ISM2: variants seen among roughly 807,000 people sequenced by gnomAD.
ISM2 encodes isthmin 2.
A neutral mutation model predicts 58.0 loss-of-function variants in ISM2; 50 were observed. That is an observed-to-expected ratio of 0.86 (90% CI 0.69 to 1.09). ISM2 has a LOEUF of 1.09. Ranked by LOEUF, ISM2 falls within the 50% of genes least tolerant of loss-of-function variation. The pLI, the probability that ISM2 is intolerant of heterozygous loss-of-function variation, is 0.00. For synonymous variants in ISM2, 303 were observed against 312.4 expected, an observed-to-expected ratio of 0.97 and a Z score of 0.32; for missense variants, 723 against 745.0, an observed-to-expected ratio of 0.97 and a Z score of 0.34.
intron 3 of ISM2, chr14:77,482,944 C>G: frequency 2.9e-6 from 1 of 340,460 alleles, no homozygotes; most frequent in Non-Finnish European, 5.3e-6. Flanking sequence ...CCAGGTATGG[C>G]GGTTCTAACA....
At position 77,481,807 on chromosome 14, in the gene ISM2, G is replaced by GA. The variant is rs3075833; in HGVS notation, c.973+514dup. Reference sequence around the variant, plus strand: ...GGGTCAAATGTTGTTCAGAAAAAAAGAAAAAAAAAAGGCTGGGCACAGTGG... The same window carrying GA: ...GGGTCAAATGTTGTTCAGAAAAAAAGAAAAAAAAAAAGGCTGGGCACAGTGG... On this transcript the variant is annotated intron_variant, in intron 4 of 6. Transcript: ENST00000342219. Among the ~76,000 whole-genome samples, 58 of 148,318 alleles carry GA rather than the reference G, an allele frequency of 3.9e-4. 1 individual carries two copies. The highest frequency in any genetic ancestry group is 3.2e-3 in the East Asian group (16 of 5,076).
chr14:77,487,718 C>T (rs911465119), intron 1 of ISM2, among the ~76,000 whole-genome samples: 3 of 152,134 alleles, frequency 2.0e-5, no homozygotes, highest in African/African-American at 7.2e-5. Flanking sequence ...GACAAGGGTT[C>T]CAGTGTAGGT....
At chr14:77,482,734 A>G in intron 3 of ISM2, 67 bp from the exon 4 acceptor site, 1 of 997,228 alleles carries the variant, frequency 1.0e-6, no homozygotes, top group Non-Finnish European at 1.5e-6. Context: ...GAGACGAGGG[A>G]TGATGGGGTC....
chr14:77,476,280 A>T (rs754233072), intron 6 of ISM2, among the ~76,000 whole-genome samples, 168 bp from the exon 7 acceptor site: 1 of 152,228 alleles, frequency 6.6e-6, no homozygotes, highest in East Asian at 1.9e-4. Context: ...ACCCCACACC[A>T]TCCAGACAAC....
intron 1 of ISM2, among the ~76,000 whole-genome samples, chr14:77,489,008 A>G (rs2079184766): frequency 6.6e-6 from 1 of 152,178 alleles, no homozygotes; most frequent in Non-Finnish European, 1.5e-5. Flanking sequence ...AAATAGAGAT[A>G]CATCTGAGGT....
At chr14:77,484,230 G>A (rs929441698) in intron 3 of ISM2, 93 bp downstream of exon 3, 78 of 1,491,790 alleles carry the variant, frequency 5.2e-5, no homozygotes, top group South Asian at 3.4e-4. Flanking sequence ...CACCCTCCAC[G>A]GAATCCAGGA....
chr14:77,483,196 T>A (rs1295825953), intron 3 of ISM2, among the ~76,000 whole-genome samples: 1 of 152,086 alleles, frequency 6.6e-6, no homozygotes, highest in East Asian at 1.9e-4. Context: ...GGCTATTCAA[T>A]AAAGTAACAT....
intron 3 of ISM2, among the ~76,000 whole-genome samples, chr14:77,483,384 C>A (rs2079144939): frequency 6.6e-6 from 1 of 151,866 alleles, no homozygotes; most frequent in Non-Finnish European, 1.5e-5. Flanking sequence ...ATGGTGAAAC[C>A]CCGTCTCTAC....
chr14:77,488,260 C>T (rs984571890), intron 1 of ISM2, among the ~76,000 whole-genome samples: 3 of 152,104 alleles, frequency 2.0e-5, no homozygotes, highest in Admixed American at 1.3e-4. Flanking sequence ...GAGGGGCGAG[C>T]GTGATCACCT....
At chr14:77,489,509 T>TTTCATTC (rs2079188068) in intron 1 of ISM2, among the ~76,000 whole-genome samples, 1 of 152,156 alleles carries the variant, frequency 6.6e-6, no homozygotes, top group Admixed American at 6.5e-5. Flanking sequence ...TAGGGCTGGA[T>TTTCATTC]TTCATTCTCC....
chr14:77,490,854 A>C (rs890876960), intron 1 of ISM2, among the ~76,000 whole-genome samples: 2 of 152,002 alleles, frequency 1.3e-5, no homozygotes, highest in African/African-American at 4.8e-5. Flanking sequence ...GGGCTTTTCC[A>C]ACCCTTTAGA....
At chr14:77,486,113 CT>C (rs1275725879) in intron 1 of ISM2, among the ~76,000 whole-genome samples, 1 of 152,218 alleles carries the variant, frequency 6.6e-6, no homozygotes, top group Non-Finnish European at 1.5e-5. Context: ...GGCAAGTAAC[CT>C]GCCTGAGGTT....
chr14:77,492,311 A>T (rs1178318702), intron 1 of ISM2, among the ~76,000 whole-genome samples: 3 of 152,038 alleles, frequency 2.0e-5, no homozygotes, highest in Non-Finnish European at 4.4e-5. Flanking sequence ...AGCAAAACTG[A>T]GTGGGGATCC....
intron 1 of ISM2, 113 bp downstream of exon 1, chr14:77,498,540 G>C (rs921166058): frequency 2.9e-6 from 4 of 1,365,670 alleles, no homozygotes; most frequent in Non-Finnish European, 3.9e-6. Flanking sequence ...TCTCTCCATC[G>C]GGGGGTCGCT....
At chr14:77,478,438 C>G in intron 5 of ISM2, 113 bp from the exon 6 acceptor site, 1 of 1,435,312 alleles carries the variant, frequency 7.0e-7, no homozygotes, top group Non-Finnish European at 9.6e-7. Context: ...CCAAAATAGG[C>G]CTGGGACAAG....
rs373952211 is a variant in ISM2 at position 77,484,930 on chromosome 14, G to C, written c.142-11C>G. ...TGGGGAGGCTGAGACCTGAGGGAGA[G>C]AGAAGGAAGGTAAGGTAACAGGTCA... On this transcript the variant is annotated splice_polypyrimidine_tract_variant and intron_variant, in intron 1 of 6. Coordinates refer to ENST00000342219, the MANE Select transcript of ISM2 (RefSeq NM_199296.3). 30 of 1,535,348 alleles carry C rather than the reference G, an allele frequency of 2.0e-5. No individual in the cohort carries two copies. The highest frequency in any genetic ancestry group is 2.4e-5 in the Non-Finnish European group (28 of 1,143,634).
rs201403223 is a variant in ISM2 at position 77,476,082 on chromosome 14, C to T, written c.1229G>A (p.Cys410Tyr). Residue 410 changes from cysteine to tyrosine, a missense_variant, in exon 7 of 7, where the codon TGC becomes TAC. Coordinates refer to ENST00000342219, the MANE Select transcript of ISM2 (RefSeq NM_199296.3). ...DVDSCEKWLN[C>Y]KSDFLIKYLS... is the part of the protein sequence containing the mutation. ...ATACTTGATTAGGAAGTCGCTCTTGCAGTTCAGCCACTTCTCACAGCTGTC... is the reference window on the plus strand; with the variant it reads ...ATACTTGATTAGGAAGTCGCTCTTGTAGTTCAGCCACTTCTCACAGCTGTC... The T allele has an allele frequency of 6.5e-4, 992 of 1,525,810 alleles. No homozygotes were observed. Among genetic ancestry groups the T allele is most frequent in the Non-Finnish European group, 8.3e-4 (944 of 1,140,358 alleles). 94.5% of individuals were successfully genotyped at this position (1,525,810 alleles called of 1,614,324 possible). A position where few individuals can be genotyped will look rare whatever the true frequency, so the allele number is the denominator to read the frequency against.
At position 77,489,707 on chromosome 14, in the gene ISM2, C is replaced by T. The variant is rs566200196; in HGVS notation, c.142-4788G>A. Among the ~76,000 whole-genome samples, 81 of 152,304 alleles carry T rather than the reference C, an allele frequency of 5.3e-4. No homozygotes were observed. The Middle Eastern group carries it at 0.017, about 32-fold the overall frequency. On this transcript the variant is annotated intron_variant, in intron 1 of 6. Transcript: ENST00000342219. ...CTGGCACCCAGCGGAGGCTGCAAAGCTCCTCACTGTAATAAGAGTAGTGCT... is the reference window on the plus strand; with the variant it reads ...CTGGCACCCAGCGGAGGCTGCAAAGTTCCTCACTGTAATAAGAGTAGTGCT...
intron 6 of ISM2, among the ~76,000 whole-genome samples, chr14:77,477,100 A>G (rs889438952): frequency 3.9e-5 from 6 of 152,120 alleles, no homozygotes; most frequent in South Asian, 4.1e-4. Flanking sequence ...TAAACCAGAA[A>G]GAGGTGCCCC....
Sources: gnomAD v4.1 joint callset for allele counts (sites outside exome capture counted in the v4.1 genomes callset) on GRCh38, gnomAD v4.1.1 for gene constraint, MANE v1.5 for transcripts, NCBI Gene and HGNC (gene_info 2026-07-23, HGNC 2026-07-21) for gene names.